EPM2A: variants seen among roughly 807,000 people sequenced by gnomAD.
The protein encoded by EPM2A is EPM2A glucan phosphatase, laforin, also known as laforin.
Under a neutral mutation model 26.5 loss-of-function variants are expected in EPM2A, and 21 were observed. That is an observed-to-expected ratio of 0.79 (90% CI 0.56 to 1.14). The LOEUF is 1.14. Among genes scored for constraint, EPM2A ranks in the 50% most tolerant of loss-of-function variants. The probability of loss-of-function intolerance (pLI) is 0.00; values close to 1 mark genes in which losing one functional copy is unlikely to be tolerated. For missense variants in EPM2A, 458 were observed against 440.8 expected (o/e 1.04, Z -0.35); for synonymous variants, 217 against 177.6 (o/e 1.22, Z -1.76).
rs142665487 is a variant in EPM2A, at chr6:145,445,797, G to A, written c.555+56725C>T. On this transcript the variant is annotated intron_variant, in intron 4 of 4. Coordinates refer to the EPM2A transcript ENST00000638717. ...TATCTCCATGTAGCAGTTAAAAATG[G>A]CTATAAATTCTTTGGTGCTCCTCTC... Among the ~76,000 whole-genome samples the A allele has an allele frequency of 1.2e-3, 176 of 152,204 alleles. 1 individual carries two copies. Among genetic ancestry groups the A allele is most frequent in the African/African-American group, 4.0e-3 (166 of 41,496 alleles).
At chr6:145,492,014 G>A (rs1273494604) in intron 4 of EPM2A, 4 of 382,308 alleles carry the variant, frequency 1.0e-5, no homozygotes, top group Middle Eastern at 7.8e-4. Flanking sequence ...CGATCTTGCT[G>A]TTTATTCAGT....
chr6:145,664,159 C>T (rs1464172003), intron 2 of EPM2A, among the ~76,000 whole-genome samples: 1 of 84,734 alleles, frequency 1.2e-5, no homozygotes, highest in Admixed American at 1.5e-4. Context: ...AATTCACACA[C>T]AACAATATTA....
intron 2 of EPM2A, among the ~76,000 whole-genome samples, chr6:145,597,467 A>G (rs1014666022): frequency 2.1e-5 from 3 of 140,060 alleles, no homozygotes; most frequent in East Asian, 4.3e-4. Flanking sequence ...TGACCTGTTT[A>G]TTTTTTTTTC....
Position 145,546,543 on chromosome 6 carries a change from T to G in EPM2A, c.341-43968A>C, listed in dbSNP as rs902686031. 2.6e-5 allele frequency among the ~76,000 whole-genome samples: 4 copies of G among 152,128 alleles called. No homozygotes were observed. In the East Asian group the frequency reaches 5.8e-4, roughly 22 times the overall value. ...CTGGGTATCCCTTCACCAGTCAAGT[T>G]GACACCTAAAATTAACCATCACATC... On this transcript the variant is annotated intron_variant, in intron 2 of 3. Coordinates refer to the EPM2A transcript ENST00000450221.
At chr6:145,621,856 A>G (rs1425768644), downstream of EPM2A, among the ~76,000 whole-genome samples, 3 of 152,130 alleles carry the variant, frequency 2.0e-5, no homozygotes, top group Non-Finnish European at 4.4e-5. Flanking sequence ...CTTATCAGAC[A>G]TATTATGGTT....
At chr6:145,507,270 C>A (rs1779989384) in intron 2 of EPM2A, among the ~76,000 whole-genome samples, 1 of 152,102 alleles carries the variant, frequency 6.6e-6, no homozygotes, top group African/African-American at 2.4e-5. Flanking sequence ...TTGGAAACAG[C>A]AAAATAGTGT....
chr6:145,452,451 C>T (rs987765890), intron 4 of EPM2A, among the ~76,000 whole-genome samples: 3 of 128,770 alleles, frequency 2.3e-5, no homozygotes, highest in African/African-American at 9.0e-5. Context: ...GGAGACCATC[C>T]TGGCTAACAT....
chr6:145,627,612 T>C lies in EPM2A; in HGVS notation c.800A>G (p.Asn267Ser), dbSNP rs1220880720. 6.2e-7 allele frequency: 1 copy of C among 1,614,174 alleles called. No individual in the cohort carries two copies. ...CGCGGTGGAGCGGCCCACCCCAGCG[T>C]TGCAGTGCACGTACACGATGTGTCC... The part of the protein sequence containing the change: ...EKGHIVYVHC[N>S]AGVGRSTAAV... Residue 267 changes from asparagine to serine, a missense_variant, in exon 4 of 4, where the codon AAC (asparagine) becomes AGC (serine). Physicochemically the swap from Asn to Ser is conservative, Grantham distance 46. Transcript: ENST00000367519.
At chr6:145,501,029 C>T (rs955424966), downstream of EPM2A, among the ~76,000 whole-genome samples, 4 of 152,284 alleles carry the variant, frequency 2.6e-5, no homozygotes, top group South Asian at 2.1e-4. Context: ...TTCAATAACA[C>T]ATATAATATT....
downstream of EPM2A, among the ~76,000 whole-genome samples, chr6:145,501,354 C>T (rs898526378): frequency 1.3e-5 from 2 of 152,096 alleles, no homozygotes; most frequent in Non-Finnish European, 2.9e-5. Context: ...AACTGAGTGG[C>T]CTTGAATTTC....
chr6:145,675,014 A>G (rs1202623176), intron 2 of EPM2A, among the ~76,000 whole-genome samples: 2 of 152,202 alleles, frequency 1.3e-5, no homozygotes, highest in Non-Finnish European at 2.9e-5. Context: ...TGAAGAAAAA[A>G]ATGTTAAGGG....
intron 4 of EPM2A, among the ~76,000 whole-genome samples, chr6:145,413,246 T>G (rs1778666454): frequency 6.6e-6 from 1 of 152,098 alleles, no homozygotes; most frequent in South Asian, 2.1e-4. Context: ...TTCGTAAAAA[T>G]GTAGTTGCCT....
chr6:145,434,806 C>G (rs996597052), intron 4 of EPM2A, among the ~76,000 whole-genome samples: 2 of 152,134 alleles, frequency 1.3e-5, no homozygotes, highest in Admixed American at 6.6e-5. Context: ...ACCACTGATA[C>G]AGTTTGGGAT....
chr6:145,491,283 C>T (rs1779751561), intron 4 of EPM2A: 1 of 356,706 alleles, frequency 2.8e-6, no homozygotes, highest in South Asian at 2.3e-5. Context: ...AAACTCTACT[C>T]ATTGGAACCG....
chr6:145,421,050 G>C (rs1778774542), intron 4 of EPM2A, among the ~76,000 whole-genome samples: 1 of 152,142 alleles, frequency 6.6e-6, no homozygotes, highest in Non-Finnish European at 1.5e-5. Context: ...AACTTTTGGG[G>C]ATACATTCAA....
chr6:145,571,799 G>A (rs1041529070), intron 2 of EPM2A, among the ~76,000 whole-genome samples: 1 of 152,184 alleles, frequency 6.6e-6, no homozygotes, highest in Non-Finnish European at 1.5e-5. Context: ...GGCCCACTGG[G>A]CAATGACAGG....
intron 4 of EPM2A, among the ~76,000 whole-genome samples, chr6:145,387,806 A>T (rs1446769100): frequency 6.6e-6 from 1 of 152,062 alleles, no homozygotes; most frequent in African/African-American, 2.4e-5. Context: ...ATGAGATAAG[A>T]GTCACAAAAG....
chr6:145,478,960 C>A (rs543027090), intron 4 of EPM2A, among the ~76,000 whole-genome samples: 6 of 151,404 alleles, frequency 4.0e-5, no homozygotes, highest in African/African-American at 1.5e-4. Context: ...ATGTACTTTT[C>A]GCTTGATTTG....
Position 145,524,961 on chromosome 6 carries a change from G to T in EPM2A, c.341-22386C>A, listed in dbSNP as rs377612976. ...AATTTTTGTATATGGTGAAAGTTAA[G>T]GGTCTAGTTCCATTCTTCTGCATAT... On this transcript the variant is annotated intron_variant, in intron 2 of 3. Transcript: ENST00000450221. Among the ~76,000 whole-genome samples the T allele has an allele frequency of 6.6e-5, 10 of 152,198 alleles. No individual in the cohort carries two copies. In the South Asian group the frequency reaches 2.1e-3, roughly 32 times the overall value.
Sources: gnomAD v4.1 joint callset for allele counts (sites outside exome capture counted in the v4.1 genomes callset) on GRCh38, gnomAD v4.1.1 for gene constraint, MANE v1.5 for transcripts, NCBI Gene and HGNC (gene_info 2026-07-23, HGNC 2026-07-21) for gene names.